Variants in FAP observed in about 807,000 individuals in gnomAD.
FAP encodes prolyl endopeptidase FAP.
In FAP, 110 loss-of-function variants were observed where a neutral mutation model predicts 126.5. The observed-to-expected ratio is 0.87, with a 90% CI of 0.74 to 1.02. The LOEUF is 1.02. FAP is among the 50% of genes least tolerant of loss of function. The pLI, the probability that FAP is intolerant of heterozygous loss-of-function variation, is 0.00. For synonymous variants in FAP, 334 were observed against 297.3 expected (o/e 1.12, Z -1.27); for missense variants, 919 against 909.2 (o/e 1.01, Z -0.14).
At chr2:162,216,846 C>A (rs985016670) in intron 9 of FAP, among the ~76,000 whole-genome samples, 1 of 152,170 alleles carries the variant, frequency 6.6e-6, no homozygotes, top group African/African-American at 2.4e-5. Context: ...GATGGTCTCA[C>A]GTCTCCACCT....
chr2:162,182,880 T>C (rs1026151624), intron 21 of FAP, among the ~76,000 whole-genome samples: 1 of 152,146 alleles, frequency 6.6e-6, no homozygotes, highest in Non-Finnish European at 1.5e-5. Context: ...GACCTATAAT[T>C]AGGAAACTAA....
chr2:162,174,224 G>T (rs566099354), intron 22 of FAP, among the ~76,000 whole-genome samples: 1 of 152,042 alleles, frequency 6.6e-6, no homozygotes, highest in South Asian at 2.1e-4. Flanking sequence ...CCCTACACAC[G>T]TACATAGATG....
intron 2 of FAP, among the ~76,000 whole-genome samples, 170 bp from the exon 3 acceptor site, chr2:162,226,791 C>A (rs77508932): frequency 6.6e-6 from 1 of 152,040 alleles, no homozygotes; most frequent in African/African-American, 2.4e-5. Context: ...GTAGTATCTC[C>A]TTTTTTGTAG....
At position 162,170,969 on chromosome 2, in the gene FAP, T is replaced by G. The variant is rs373482200; in HGVS notation, c.*10A>C. 29 of 1,606,244 alleles carry G rather than the reference T, an allele frequency of 1.8e-5. No individual in the cohort carries two copies. The African/African-American group carries it at 3.7e-4, about 21-fold the overall frequency. ...TCAGATTCTGATACAGGCTTGCATC[T>G]GCATCGTTTTTAGTCTGACAAAGAG... On this transcript the variant is annotated 3_prime_UTR_variant, in exon 26 of 26. Transcript: ENST00000188790.
rs1689281035 is a variant in FAP at position 162,219,136 on chromosome 2, A to C, written c.534T>G (p.Asp178Glu). The change falls in exon 8 of 26, where the codon GAT becomes GAG. Residue 178 changes from aspartate (D) to glutamate (E), a missense_variant. Physicochemically the swap from Asp to Glu is conservative, Grantham distance 45. Coordinates refer to ENST00000188790, the MANE Select transcript of FAP (RefSeq NM_004460.5). ...CATTAAATGTTATTTGAAAAGGTGG[A>C]TCTCCTGGTCTTTGTTTCAAATAGA... ...NNIYLKQRPG[D>E]PPFQITFNGR... 1.9e-6 allele frequency: 3 copies of C among 1,607,322 alleles called. No individual in the cohort carries two copies. Among genetic ancestry groups the C allele is most frequent in the African/African-American group, 2.7e-5 (2 of 74,858 alleles).
At chr2:162,201,911 C>T (rs1248476509) in intron 14 of FAP, among the ~76,000 whole-genome samples, 1 of 152,164 alleles carries the variant, frequency 6.6e-6, no homozygotes, top group African/African-American at 2.4e-5. Flanking sequence ...AATGAATCTC[C>T]CACCTGTTTT....
At chr2:162,197,642 A>C (rs1688304585) in intron 16 of FAP, 1 of 456,550 alleles carries the variant, frequency 2.2e-6, no homozygotes, top group Non-Finnish European at 4.4e-6. Flanking sequence ...AATGAGCTGC[A>C]GCTCAGGTTC....
At chr2:162,173,637 A>C (rs1687389097) in intron 23 of FAP, 86 bp downstream of exon 23, 5 of 935,078 alleles carry the variant, frequency 5.3e-6, no homozygotes, top group Non-Finnish European at 8.6e-6. Flanking sequence ...GCCCAGAATT[A>C]AAACTGTAAA....
intron 16 of FAP, chr2:162,197,487 C>T: frequency 2.2e-6 from 1 of 453,014 alleles, no homozygotes; most frequent in Admixed American, 2.4e-5. Flanking sequence ...ACAATCAGCA[C>T]ATATGGTCAT....
At chr2:162,210,133 T>C in intron 11 of FAP, 137 bp from the exon 12 acceptor site, 2 of 680,560 alleles carry the variant, frequency 2.9e-6, no homozygotes, top group Non-Finnish European at 5.0e-6. Context: ...AATTTGAGTT[T>C]AAAAGGACAA....
intron 2 of FAP, among the ~76,000 whole-genome samples, chr2:162,240,859 C>G (rs1255056631): frequency 6.6e-6 from 1 of 152,150 alleles, no homozygotes; most frequent in Non-Finnish European, 1.5e-5. Flanking sequence ...CTCATAGGCA[C>G]TGGGCAGATG....
Position 162,173,699 on chromosome 2 carries a change from C to T in FAP, c.2034+24G>A, listed in dbSNP as rs770307430. On this transcript the variant is annotated intron_variant, in intron 23 of 25. Transcript: ENST00000188790. ...TAGCATATTAGAAATTAATTATTAA[C>T]CTAAATAAAATGGAAACACTTACCT... 1.6e-5 allele frequency: 24 copies of T among 1,463,824 alleles called. No individual in the cohort carries two copies. The African/African-American group carries it at 2.6e-4, about 16-fold the overall frequency. The allele number at this position is 1,463,824 out of a possible 1,614,324, so 90.7% of individuals were successfully genotyped here.
Position 162,174,987 on chromosome 2 carries a change from G to A in FAP, c.1870-21C>T, listed in dbSNP as rs746366219. On this transcript the variant is annotated intron_variant, in intron 21 of 25. Transcript: ENST00000188790. ...TAGGACTGTAGAGACATTGTTATGA[G>A]TCAGACTCAGATTTACTTTCATAAG... The A allele has an allele frequency of 1.1e-5, 17 of 1,530,244 alleles. 1 individual carries two copies. In the South Asian group the frequency reaches 1.8e-4, roughly 16 times the overall value. 94.8% of individuals were successfully genotyped at this position (1,530,244 alleles called of 1,614,324 possible).
chr2:162,221,827 T>C (rs1689416347), intron 6 of FAP: 3 of 437,402 alleles, frequency 6.9e-6, no homozygotes, highest in Non-Finnish European at 1.4e-5. Flanking sequence ...GTTTTCTCTA[T>C]GCTAGATTTT....
intron 9 of FAP, among the ~76,000 whole-genome samples, chr2:162,216,484 C>T (rs761429440): frequency 4.6e-5 from 7 of 152,148 alleles, no homozygotes; most frequent in Non-Finnish European, 8.8e-5. Context: ...TGCTCAGTCT[C>T]CTACCTGCTT....
intron 10 of FAP, among the ~76,000 whole-genome samples, chr2:162,215,534 A>G (rs950910771): frequency 6.6e-6 from 1 of 152,140 alleles, no homozygotes; most frequent in African/African-American, 2.4e-5. Context: ...ATCTTCTCTT[A>G]TTTATCATAC....
At chr2:162,208,955 T>G (rs1003346457) in intron 12 of FAP, among the ~76,000 whole-genome samples, 1 of 151,986 alleles carries the variant, frequency 6.6e-6, no homozygotes, top group African/African-American at 2.4e-5. Flanking sequence ...GTATCTTTAA[T>G]TAACGGCAGA....
At chr2:162,225,718 T>C (rs1458391178) in intron 3 of FAP, 141 bp from the exon 4 acceptor site, 7 of 803,578 alleles carry the variant, frequency 8.7e-6, no homozygotes, top group African/African-American at 1.8e-5. Flanking sequence ...ATATGTAAAA[T>C]AGTAAGTTGG....
Position 162,206,869 on chromosome 2 carries a change from C to A in FAP, c.1047+3083G>T, listed in dbSNP as rs192762699. On this transcript the variant is annotated intron_variant, in intron 12 of 25. Coordinates refer to ENST00000188790, the MANE Select transcript of FAP (RefSeq NM_004460.5). ...TTCGCAGGAAACCTATTTTCTAGTT[C>A]TGTGCCTGCAACTAACAGATCATTT... Among the ~76,000 whole-genome samples, 823 of 152,264 alleles carry A rather than the reference C, an allele frequency of 5.4e-3. 6 individuals are homozygous for A. The highest frequency in any genetic ancestry group is 0.015 in the South Asian group (70 of 4,826).
Sources: allele counts gnomAD v4.1 joint callset (sites outside exome capture counted in the v4.1 genomes callset), GRCh38; gene constraint gnomAD v4.1.1; transcripts MANE v1.5; gene names NCBI Gene and HGNC (gene_info 2026-07-23, HGNC 2026-07-21).